ZNF423: variants seen among roughly 807,000 people sequenced by gnomAD.
The protein encoded by ZNF423 is zinc finger protein 423.
Under a neutral mutation model 95.8 loss-of-function variants are expected in ZNF423, and 12 were observed. The ratio of observed to expected loss-of-function variants is 0.13; its 90% CI spans 0.08 to 0.20. ZNF423 has a LOEUF of 0.20. Ranked by LOEUF, ZNF423 falls within the 10% of genes least tolerant of loss-of-function variation. The probability of loss-of-function intolerance (pLI) is 1.00; values close to 1 mark genes in which losing one functional copy is unlikely to be tolerated. For synonymous variants in ZNF423, 749 were observed against 711.9 expected, an observed-to-expected ratio of 1.05 and a Z score of -0.83; for missense variants, 1,316 against 1,737.1, an observed-to-expected ratio of 0.76 and a Z score of 4.31.
chr16:49,716,489 A>G (rs1173744618), intron 3 of ZNF423, among the ~76,000 whole-genome samples: 1 of 152,196 alleles, frequency 6.6e-6, no homozygotes, highest in African/African-American at 2.4e-5. Flanking sequence ...CGTCATTTCC[A>G]AAGGCAGCCA....
At chr16:49,625,948 A>G (rs976116885) in intron 5 of ZNF423, among the ~76,000 whole-genome samples, 1 of 152,150 alleles carries the variant, frequency 6.6e-6, no homozygotes, top group Non-Finnish European at 1.5e-5. Context: ...AATGGAAGAG[A>G]TTGTCAAAAG....
intron 1 of ZNF423, among the ~76,000 whole-genome samples, chr16:49,851,693 A>G (rs1296150365): frequency 6.6e-6 from 1 of 152,224 alleles, no homozygotes; most frequent in Non-Finnish European, 1.5e-5. Context: ...TTCATTATGA[A>G]TGCACGCTAG....
intron 5 of ZNF423, among the ~76,000 whole-genome samples, chr16:49,539,090 T>C (rs1305559430): frequency 1.3e-5 from 2 of 151,404 alleles, no homozygotes; most frequent in African/African-American, 4.9e-5. Flanking sequence ...CTATAGACCA[T>C]GCCCTTCAGT....
chr16:49,574,676 CA>C (rs1243152500), intron 5 of ZNF423, among the ~76,000 whole-genome samples: 6 of 152,154 alleles, frequency 3.9e-5, no homozygotes, highest in Admixed American at 3.3e-4. Context: ...AACCCAATGA[CA>C]GGGGCACTCT....
At chr16:49,823,384 C>G (rs1220635075) in intron 1 of ZNF423, among the ~76,000 whole-genome samples, 1 of 152,140 alleles carries the variant, frequency 6.6e-6, no homozygotes, top group Admixed American at 6.5e-5. Context: ...ATCTTCACAG[C>G]TGTGCAGAAA....
chr16:49,636,220 T>C lies in ZNF423; in HGVS notation c.2956A>G (p.Lys986Glu). The change falls in exon 4 of 8, where the codon AAG (lysine) becomes GAG (glutamate). Residue 986 changes from lysine to glutamate, a missense_variant. This residue lies in a region of ZNF423 where 620 missense variants were observed against 775.6 expected (regional missense o/e 0.80). Transcript: ENST00000563137. This position sits in a 1 kb window ranked among gnomAD's most constrained non-coding sequence, Gnocchi z 8.6. ...TCCAGGCTCTTGCTGTGGGTCACCT[T>C]GTGTTCGGTGAGCGTCAGCAGCGAA... Reference protein sequence around the residue: ...FPSLLTLTEHKVTHSKSLDTG... With the variant: ...FPSLLTLTEHEVTHSKSLDTG... 1 of 1,613,138 alleles carries C rather than the reference T, an allele frequency of 6.2e-7. No homozygotes were observed. Among genetic ancestry groups the C allele is most frequent in the African/African-American group, 1.3e-5 (1 of 75,034 alleles).
At chr16:49,686,450 T>A (rs1296555857) in intron 3 of ZNF423, among the ~76,000 whole-genome samples, 1 of 152,088 alleles carries the variant, frequency 6.6e-6, no homozygotes, top group Non-Finnish European at 1.5e-5. Flanking sequence ...AGGTATCATG[T>A]ACAAAAACCT....
chr16:49,822,173 A>AT lies in ZNF423; in HGVS notation c.41-32628dup, dbSNP rs34004656. On this transcript the variant is annotated intron_variant, in intron 1 of 7. Transcript: ENST00000563137. ...GTTTGCCTAAGTCACCCCCGCAGGA[A>AT]TTTTTTTTTTTTTTTTCTGAAATGG... Among the ~76,000 whole-genome samples, 1,363 of 143,052 alleles carry AT rather than the reference A, an allele frequency of 9.5e-3. 7 individuals carry two copies. Among genetic ancestry groups the AT allele is most frequent in the African/African-American group, 0.021 (802 of 38,626 alleles). 93.8% of individuals were successfully genotyped at this position (143,052 alleles called of 152,430 possible). A position where few individuals can be genotyped will look rare whatever the true frequency, so the allele number is the denominator to read the frequency against.
At chr16:49,630,584 C>G (rs1331493566) in intron 4 of ZNF423, among the ~76,000 whole-genome samples, 1 of 151,988 alleles carries the variant, frequency 6.6e-6, no homozygotes, top group Non-Finnish European at 1.5e-5. Flanking sequence ...ATGACCACGT[C>G]CCCCCTCCAA....
chr16:49,604,053 G>A (rs1971459575), intron 5 of ZNF423, among the ~76,000 whole-genome samples: 1 of 152,204 alleles, frequency 6.6e-6, no homozygotes, highest in Non-Finnish European at 1.5e-5. Flanking sequence ...CGATACCGGT[G>A]TCTGAGCTGC....
intron 5 of ZNF423, among the ~76,000 whole-genome samples, chr16:49,618,563 G>A (rs1014447112): frequency 3.9e-5 from 6 of 152,068 alleles, no homozygotes; most frequent in African/African-American, 7.2e-5. Flanking sequence ...CATGTAAGAC[G>A]TGCTTGCTTC....
At chr16:49,824,724 T>C (rs998358593) in intron 1 of ZNF423, among the ~76,000 whole-genome samples, 1 of 152,204 alleles carries the variant, frequency 6.6e-6, no homozygotes, top group Non-Finnish European at 1.5e-5. Context: ...GGAGCTTTTC[T>C]GGGTCTCACT....
chr16:49,508,618 T>A (rs896617792), intron 7 of ZNF423, among the ~76,000 whole-genome samples: 1 of 151,048 alleles, frequency 6.6e-6, no homozygotes, highest in Non-Finnish European at 1.5e-5. Flanking sequence ...CTCTGCTCTA[T>A]AAAAGTGTTC....
chr16:49,821,255 TGGGGCGGGGGCA>T (rs201259946), intron 1 of ZNF423, among the ~76,000 whole-genome samples: 2 of 25,344 alleles, frequency 7.9e-5, no homozygotes, highest in African/African-American at 3.0e-4. Context: ...CACAGGGTGG[TGGGGCGGGGGCA>T]GGGGCGGGGG....
At position 49,788,005 on chromosome 16, in the gene ZNF423, G is replaced by A. The variant is rs148394905; in HGVS notation, c.100+1482C>T. ...GCCAACCATGGGGAACGCACTCCCC[G>A]CACAGAAGGAGACACACGGGGGGCT... On this transcript the variant is annotated intron_variant, in intron 2 of 7. Coordinates refer to ENST00000563137, the MANE Select transcript of ZNF423 (RefSeq NM_001379286.1). Among the ~76,000 whole-genome samples, 55 of 152,280 alleles carry A rather than the reference G, an allele frequency of 3.6e-4. No individual in the cohort carries two copies. In the East Asian group the frequency reaches 4.6e-3, roughly 13 times the overall value.
At chr16:49,858,717 GC>G (rs35734564), upstream of ZNF423, among the ~76,000 whole-genome samples, 911 of 132,868 alleles carry the variant, frequency 6.9e-3, 21 homozygotes, top group African/African-American at 0.018. This position sits in a 1 kb window ranked among gnomAD's most constrained non-coding sequence, Gnocchi z 4.3. Flanking sequence ...GGGAATAGGA[GC>G]CCCCCCCCCC....
chr16:49,635,925 T>G lies in ZNF423; in HGVS notation c.3251A>C (p.Lys1084Thr). The change falls in exon 4 of 8, where the codon AAG becomes ACG. Residue 1084 changes from lysine (K) to threonine (T), a missense_variant. This residue lies in a region of ZNF423 where 620 missense variants were observed against 775.6 expected (regional missense o/e 0.80). Transcript: ENST00000563137. The surrounding 1 kb of genome is among the most constrained non-coding windows in gnomAD (Gnocchi z 4.8). The part of the protein sequence containing the change: ...CALCLKEFRS[K>T]QDLVKLDVNG... Reference sequence around the variant, plus strand: ...GACGTCAAGCTTCACCAGGTCCTGCTTGCTGCGGAACTCCTTGAGGCACAG... The same window carrying G: ...GACGTCAAGCTTCACCAGGTCCTGCGTGCTGCGGAACTCCTTGAGGCACAG... 3 of 1,588,214 alleles carry G rather than the reference T, an allele frequency of 1.9e-6. No individual in the cohort carries two copies. The highest frequency in any genetic ancestry group is 1.7e-6 in the Non-Finnish European group (2 of 1,166,786).
At chr16:49,679,035 C>T (rs757100762) in intron 3 of ZNF423, among the ~76,000 whole-genome samples, 3 of 152,198 alleles carry the variant, frequency 2.0e-5, no homozygotes, top group Non-Finnish European at 4.4e-5. Flanking sequence ...AGCACACTCC[C>T]GGGCTCAAGG....
rs145062548 is a variant in ZNF423, at chr16:49,522,566, T to C, written c.3849+1058A>G. 2.6e-3 allele frequency among the ~76,000 whole-genome samples: 390 copies of C among 152,210 alleles called. 7 individuals are homozygous for C. Among genetic ancestry groups the C allele is most frequent in the East Asian group, 5.8e-3 (30 of 5,174 alleles). ...TTGTTATTGCAGCCTAACCTACCCATATCCTTCCCGACAGGCTCATTCTTG... is the reference window on the plus strand; with the variant it reads ...TTGTTATTGCAGCCTAACCTACCCACATCCTTCCCGACAGGCTCATTCTTG... On this transcript the variant is annotated intron_variant, in intron 7 of 7. Transcript: ENST00000563137.
Sources: allele counts gnomAD v4.1 joint callset (sites outside exome capture counted in the v4.1 genomes callset), GRCh38; gene constraint gnomAD v4.1.1; regional missense constraint gnomAD v4.1.1; non-coding constraint Gnocchi (gnomAD v3.1); transcripts MANE v1.5; gene names NCBI Gene and HGNC (gene_info 2026-07-23, HGNC 2026-07-21).